Variants in MCHR2 observed in about 807,000 individuals in gnomAD.
MCHR2 encodes melanin concentrating hormone receptor 2, also known as melanin-concentrating hormone receptor 2.
MCHR2 carries 15 observed loss-of-function variants against 24.8 expected under a neutral mutation model. The observed-to-expected ratio is 0.60, with a 90% CI of 0.40 to 0.93. The LOEUF is 0.93. Among genes scored for constraint, MCHR2 ranks in the 40% least tolerant of loss-of-function variants. The probability of loss-of-function intolerance (pLI) is 0.00; values close to 1 mark genes in which losing one functional copy is unlikely to be tolerated. For missense variants in MCHR2, 386 were observed against 408.7 expected (o/e 0.94, Z 0.48); for synonymous variants, 151 against 147.6 (o/e 1.02, Z -0.17).
At chr6:99,971,527 C>A (rs907249411) in intron 1 of MCHR2, among the ~76,000 whole-genome samples, 4 of 152,186 alleles carry the variant, frequency 2.6e-5, no homozygotes, top group African/African-American at 9.7e-5. Flanking sequence ...TTGACTTCCT[C>A]TTTTCCTAAT....
chr6:99,929,397 A>G (rs553075358), intron 5 of MCHR2, among the ~76,000 whole-genome samples: 9 of 152,032 alleles, frequency 5.9e-5, no homozygotes, highest in Non-Finnish European at 1.2e-4. Flanking sequence ...TATCCTTGTT[A>G]ACTTTCTGTC....
At chr6:99,990,872 A>C (rs937399995) in intron 1 of MCHR2, among the ~76,000 whole-genome samples, 5 of 149,216 alleles carry the variant, frequency 3.4e-5, no homozygotes, top group African/African-American at 1.2e-4. Context: ...CACCCTGATG[A>C]TCAGGGTATC....
At chr6:99,985,527 C>A (rs1775753160) in intron 1 of MCHR2, among the ~76,000 whole-genome samples, 1 of 152,052 alleles carries the variant, frequency 6.6e-6, no homozygotes, top group Non-Finnish European at 1.5e-5. Flanking sequence ...AAACCACATA[C>A]CTCTACAACC....
intron 5 of MCHR2, among the ~76,000 whole-genome samples, chr6:99,926,631 C>A (rs1326180211): frequency 6.6e-6 from 1 of 152,158 alleles, no homozygotes; most frequent in African/African-American, 2.4e-5. Flanking sequence ...GCATAAATGT[C>A]TTCTTTTGAG....
intron 1 of MCHR2, among the ~76,000 whole-genome samples, chr6:99,957,579 G>GA (rs1775089725): frequency 6.6e-6 from 1 of 151,848 alleles, no homozygotes; most frequent in South Asian, 2.1e-4. Flanking sequence ...AATGGGGGAA[G>GA]AAAAAAATAG....
intron 1 of MCHR2, among the ~76,000 whole-genome samples, chr6:99,979,981 TTGG>T (rs1388677917): frequency 6.6e-6 from 1 of 152,230 alleles, no homozygotes; most frequent in Non-Finnish European, 1.5e-5. Context: ...AAGATTTTGT[TTGG>T]TGAAGAGAGT....
intron 2 of MCHR2, among the ~76,000 whole-genome samples, chr6:99,952,062 T>G (rs1774975521): frequency 6.6e-6 from 1 of 152,062 alleles, no homozygotes; most frequent in African/African-American, 2.4e-5. Context: ...AGTTGTCCGT[T>G]TATTGAAGTA....
intron 5 of MCHR2, among the ~76,000 whole-genome samples, chr6:99,922,105 C>T (rs899576651): frequency 8.2e-6 from 1 of 122,572 alleles, no homozygotes; most frequent in Non-Finnish European, 1.7e-5. Context: ...CCCATTTGTC[C>T]ATTTTTTTTT....
chr6:99,938,915 A>C (rs1049954529), intron 4 of MCHR2, among the ~76,000 whole-genome samples: 1 of 152,100 alleles, frequency 6.6e-6, no homozygotes, highest in African/African-American at 2.4e-5. Context: ...CCTTTTGCTG[A>C]ATTGACTCCT....
intron 1 of MCHR2, among the ~76,000 whole-genome samples, chr6:99,971,024 A>G (rs1329768494): frequency 2.0e-5 from 3 of 152,202 alleles, no homozygotes; most frequent in African/African-American, 7.2e-5. Context: ...CTTTTGGCTT[A>G]GGATTGACTT....
intron 5 of MCHR2, among the ~76,000 whole-genome samples, chr6:99,931,596 G>A (rs1389438385): frequency 2.6e-5 from 4 of 152,106 alleles, no homozygotes; most frequent in African/African-American, 9.7e-5. Context: ...TCTGACTGCT[G>A]TGCTAGCAAT....
chr6:99,943,908 G>A (rs567166011), intron 3 of MCHR2, among the ~76,000 whole-genome samples: 1 of 152,256 alleles, frequency 6.6e-6, no homozygotes, highest in African/African-American at 2.4e-5. Context: ...AAGATTTACT[G>A]ACACAGAGGC....
At chr6:99,928,674 A>G (rs375418506) in intron 5 of MCHR2, among the ~76,000 whole-genome samples, 7 of 152,110 alleles carry the variant, frequency 4.6e-5, no homozygotes, top group African/African-American at 1.4e-4. Flanking sequence ...CTGTGGGATC[A>G]GTGGTGATAT....
At chr6:99,943,636 T>G (rs1379823147) in intron 3 of MCHR2, among the ~76,000 whole-genome samples, 1 of 152,074 alleles carries the variant, frequency 6.6e-6, no homozygotes, top group Non-Finnish European at 1.5e-5. Flanking sequence ...ATTTCCAATT[T>G]CATCCATGTC....
At chr6:99,936,856 A>G (rs1337579660) in intron 4 of MCHR2, among the ~76,000 whole-genome samples, 1 of 151,514 alleles carries the variant, frequency 6.6e-6, no homozygotes, top group Non-Finnish European at 1.5e-5. Flanking sequence ...TATTTCTTGC[A>G]TCAGGTATTT....
At chr6:99,923,253 C>T (rs1487814912) in intron 5 of MCHR2, among the ~76,000 whole-genome samples, 2 of 151,904 alleles carry the variant, frequency 1.3e-5, no homozygotes, top group Admixed American at 6.6e-5. Flanking sequence ...GAAACTTTAC[C>T]GAATTTGTTT....
intron 1 of MCHR2, among the ~76,000 whole-genome samples, chr6:99,971,648 A>G (rs986393659): frequency 1.3e-5 from 2 of 151,340 alleles, no homozygotes; most frequent in African/African-American, 4.9e-5. Context: ...CAGTTTTCAA[A>G]GGGAATGCTT....
chr6:99,975,185 A>T (rs1469326805), intron 1 of MCHR2, among the ~76,000 whole-genome samples: 2 of 152,168 alleles, frequency 1.3e-5, no homozygotes, highest in Non-Finnish European at 2.9e-5. Flanking sequence ...GAGCCTACAG[A>T]GGCAGGCAGG....
intron 1 of MCHR2, among the ~76,000 whole-genome samples, chr6:99,989,850 A>G (rs1354530639): frequency 6.6e-6 from 1 of 152,164 alleles, no homozygotes; most frequent in Non-Finnish European, 1.5e-5. Flanking sequence ...CAATTTTATA[A>G]CATTTTTATT....
Sources: allele counts gnomAD v4.1 joint callset (sites outside exome capture counted in the v4.1 genomes callset), GRCh38; gene constraint gnomAD v4.1.1; transcripts MANE v1.5; gene names NCBI Gene and HGNC (gene_info 2026-07-23, HGNC 2026-07-21).